PLCB1: variants seen among roughly 807,000 people sequenced by gnomAD.
The protein encoded by PLCB1 is phospholipase C beta 1.
In PLCB1, 46 loss-of-function variants were observed where a neutral mutation model predicts 161.8. The observed-to-expected ratio is 0.28, with a 90% CI of 0.22 to 0.36. The LOEUF is 0.36. Among genes scored for constraint, PLCB1 ranks in the 10% least tolerant of loss-of-function variants. The probability of loss-of-function intolerance (pLI) is 1.00; values close to 1 mark genes in which losing one functional copy is unlikely to be tolerated. For synonymous variants in PLCB1, 517 were observed against 503.7 expected, an observed-to-expected ratio of 1.03 and a Z score of -0.35; for missense variants, 1,016 against 1,472.5, an observed-to-expected ratio of 0.69 and a Z score of 5.07.
intron 2 of PLCB1, among the ~76,000 whole-genome samples, chr20:8,221,242 G>GTGA (rs1555791097): frequency 6.6e-6 from 1 of 151,976 alleles, no homozygotes; most frequent in Non-Finnish European, 1.5e-5. Flanking sequence ...AAAAAGAAAG[G>GTGA]TGACGGTTTT....
chr20:8,269,733 G>T (rs898163799), intron 2 of PLCB1, among the ~76,000 whole-genome samples: 1 of 152,106 alleles, frequency 6.6e-6, no homozygotes, highest in African/African-American at 2.4e-5. Context: ...CAACAGCACA[G>T]TAAGATACAA....
intron 31 of PLCB1, among the ~76,000 whole-genome samples, chr20:8,808,936 C>G (rs1255775831): frequency 1.3e-5 from 2 of 152,052 alleles, no homozygotes; most frequent in African/African-American, 4.8e-5. Context: ...TTATTCAAAA[C>G]AAATGTAACA....
chr20:8,189,421 G>T (rs901303919), intron 2 of PLCB1, among the ~76,000 whole-genome samples: 3 of 150,908 alleles, frequency 2.0e-5, no homozygotes, highest in African/African-American at 7.3e-5. Flanking sequence ...ACATGATGTA[G>T]GGTTTCCTTT....
intron 25 of PLCB1, among the ~76,000 whole-genome samples, chr20:8,761,845 C>T (rs867193156): frequency 2.1e-5 from 3 of 143,234 alleles, no homozygotes; most frequent in African/African-American, 7.6e-5. Context: ...CCACCCGCCT[C>T]GGCCTCCCAA....
At chr20:8,233,371 T>C (rs1980166564) in intron 2 of PLCB1, among the ~76,000 whole-genome samples, 1 of 152,098 alleles carries the variant, frequency 6.6e-6, no homozygotes, top group South Asian at 2.1e-4. Flanking sequence ...ATGAATCCTT[T>C]TTAGTAACAG....
chr20:8,735,617 G>A (rs1980540534), intron 19 of PLCB1, among the ~76,000 whole-genome samples: 1 of 152,222 alleles, frequency 6.6e-6, no homozygotes, highest in African/African-American at 2.4e-5. Flanking sequence ...TGGTTTTGGT[G>A]TCATGAATTT....
In PLCB1 at chr20:8,566,447, C is replaced by G. The variant is rs144354668; in HGVS notation, c.247-61847C>G. On this transcript the variant is annotated intron_variant, in intron 3 of 31. Coordinates refer to ENST00000338037, the MANE Select transcript of PLCB1 (RefSeq NM_015192.4). ...GCTGAGAAATGAAGTGTGACTTATC[C>G]TGTGGAATGTAAAAAACAACATTTT... is the stretch of plus-strand genomic sequence containing the variant. Among the ~76,000 whole-genome samples the G allele has an allele frequency of 9.2e-5, 14 of 152,178 alleles. No individual in the cohort carries two copies. In the East Asian group the frequency reaches 2.7e-3, roughly 29 times the overall value.
chr20:8,187,598 G>C (rs911806097), intron 2 of PLCB1, among the ~76,000 whole-genome samples: 4 of 152,094 alleles, frequency 2.6e-5, no homozygotes, highest in African/African-American at 9.7e-5. Context: ...TTTCCTTGCT[G>C]ATCTCATCCT....
At chr20:8,285,097 C>T (rs1026958060) in intron 2 of PLCB1, among the ~76,000 whole-genome samples, 4 of 151,708 alleles carry the variant, frequency 2.6e-5, no homozygotes, top group Non-Finnish European at 1.5e-5. Flanking sequence ...TTATCTCATT[C>T]TCTGGCATTT....
Position 8,697,777 on chromosome 20 carries a change from T to C in PLCB1, c.1161T>C (p.Ser387=), listed in dbSNP as rs1990612518. ...GCTTCACCATGACAACTGAAATATC[T>C]TTCAAGGTAGAGTATATGAATGTTA... is the stretch of plus-strand genomic sequence containing the variant. ...THGFTMTTEI[S]FKEVIEAIAE... Residue 387 remains serine, a synonymous_variant, in exon 11 of 32, where the codon TCT becomes TCC. Coordinates refer to ENST00000338037, the MANE Select transcript of PLCB1 (RefSeq NM_015192.4). 1 of 1,614,000 alleles carries C rather than the reference T, an allele frequency of 6.2e-7. No homozygotes were observed. Among genetic ancestry groups the C allele is most frequent in the African/African-American group, 1.3e-5 (1 of 74,928 alleles).
chr20:8,243,854 G>C (rs79747689), intron 2 of PLCB1, among the ~76,000 whole-genome samples: 3,546 of 152,032 alleles, frequency 0.023, 147 homozygotes, highest in African/African-American at 0.08. Context: ...TGTGCTGTTA[G>C]TAATGAATCT....
At chr20:8,345,039 G>C (rs1985951847) in intron 2 of PLCB1, among the ~76,000 whole-genome samples, 1 of 152,168 alleles carries the variant, frequency 6.6e-6, no homozygotes. Context: ...TTATGTTTTA[G>C]TACATTTGGT....
chr20:8,188,976 A>T (rs1425535101), intron 2 of PLCB1, among the ~76,000 whole-genome samples: 1 of 152,124 alleles, frequency 6.6e-6, no homozygotes, highest in African/African-American at 2.4e-5. Flanking sequence ...CTGATTTAGA[A>T]ATTGAAATGA....
At chr20:8,620,184 TG>T (rs1438886469) in intron 3 of PLCB1, among the ~76,000 whole-genome samples, 3 of 152,202 alleles carry the variant, frequency 2.0e-5, no homozygotes, top group African/African-American at 7.2e-5. Context: ...AATATATTTT[TG>T]TGGTGACTGA....
chr20:8,513,633 A>G (rs982328629), intron 3 of PLCB1, among the ~76,000 whole-genome samples: 4 of 152,210 alleles, frequency 2.6e-5, no homozygotes, highest in Non-Finnish European at 4.4e-5. Flanking sequence ...TCACTGAAAT[A>G]TGGTAGTGTT....
At chr20:8,623,409 C>G in intron 3 of PLCB1, among the ~76,000 whole-genome samples, 1 of 152,154 alleles carries the variant, frequency 6.6e-6, no homozygotes, top group East Asian at 1.9e-4. Flanking sequence ...GATGAAGATG[C>G]ATGGCTAAGC....
chr20:8,708,942 G>T (rs533394720), intron 12 of PLCB1, among the ~76,000 whole-genome samples, 190 bp downstream of exon 12: 1 of 152,286 alleles, frequency 6.6e-6, no homozygotes, highest in Admixed American at 6.5e-5. Flanking sequence ...TTATCCGTTG[G>T]ACTTGTAGGA....
intron 3 of PLCB1, among the ~76,000 whole-genome samples, chr20:8,413,469 G>T (rs1023257149): frequency 6.6e-6 from 1 of 152,126 alleles, no homozygotes; most frequent in Non-Finnish European, 1.5e-5. Context: ...TTTAAAATCC[G>T]AATCTGCTTC....
chr20:8,150,511 C>G (rs563831388), intron 2 of PLCB1, 140 bp downstream of exon 2: 8 of 469,562 alleles, frequency 1.7e-5, no homozygotes, highest in Non-Finnish European at 3.1e-5. Context: ...TAAAGAATAT[C>G]TAAGGTATTC....
Sources: gnomAD v4.1 joint callset for allele counts (sites outside exome capture counted in the v4.1 genomes callset) on GRCh38, gnomAD v4.1.1 for gene constraint, MANE v1.5 for transcripts, NCBI Gene and HGNC (gene_info 2026-07-23, HGNC 2026-07-21) for gene names.